The following EPB41L1 variants were observed in gnomAD, a reference collection of about 807,000 sequenced individuals.
EPB41L1 encodes band 4.1-like protein 1.
A neutral mutation model predicts 97.8 loss-of-function variants in EPB41L1; 29 were observed. That is an observed-to-expected ratio of 0.30 (90% CI 0.22 to 0.40). EPB41L1 has a LOEUF of 0.40. EPB41L1 is among the 10% of genes least tolerant of loss of function. The probability of loss-of-function intolerance (pLI) is 1.00; values close to 1 mark genes in which losing one functional copy is unlikely to be tolerated. For synonymous variants in EPB41L1, 383 were observed against 459.2 expected (o/e 0.83, Z 2.12); for missense variants, 812 against 1,162.3 (o/e 0.70, Z 4.38).
chr20:36,185,346 G>T lies in EPB41L1; in HGVS notation c.785+11G>T. 1 of 1,609,218 alleles carries T rather than the reference G, an allele frequency of 6.2e-7. No individual in the cohort carries two copies. On this transcript the variant is annotated intron_variant, in intron 7 of 21. Coordinates refer to ENST00000338074, the MANE Select transcript of EPB41L1 (RefSeq NM_012156.2). Reference sequence around the variant, plus strand: ...GCATAAGACATATAGGTAAGAGGGTGCCAGCCAGGGCCTTCTGTGGCTCCT... The same window carrying T: ...GCATAAGACATATAGGTAAGAGGGTTCCAGCCAGGGCCTTCTGTGGCTCCT...
At chr20:36,191,988 G>C (rs1429572530) in intron 11 of EPB41L1, among the ~76,000 whole-genome samples, 2 of 152,054 alleles carry the variant, frequency 1.3e-5, no homozygotes, top group Admixed American at 1.3e-4. Context: ...CACTTTGGGA[G>C]GCCAAGGCGG....
chr20:36,158,998 G>A (rs147492145), intron 1 of EPB41L1, among the ~76,000 whole-genome samples: 1 of 152,300 alleles, frequency 6.6e-6, no homozygotes, highest in East Asian at 1.9e-4. Context: ...GAGGGTGGAC[G>A]TGATCTTACA....
chr20:36,229,109 C>G (rs2064359453), intron 21 of EPB41L1, among the ~76,000 whole-genome samples: 1 of 152,156 alleles, frequency 6.6e-6, no homozygotes, highest in South Asian at 2.1e-4. Context: ...TTTCTCACCT[C>G]AAGAGATCCT....
At chr20:36,113,815 G>A (rs1179719549) in intron 2 of EPB41L1, 1 of 152,634 alleles carries the variant, frequency 6.6e-6, no homozygotes, top group Admixed American at 6.5e-5. Context: ...TGCGCATAGG[G>A]AAGGTGGGGC....
At chr20:36,172,735 G>C (rs1198477512) in intron 1 of EPB41L1, among the ~76,000 whole-genome samples, 1 of 152,152 alleles carries the variant, frequency 6.6e-6, no homozygotes, top group Admixed American at 6.5e-5. Flanking sequence ...TGAGTAGCTG[G>C]GATTACAGAA....
rs972223360 is a variant in EPB41L1, at chr20:36,216,501, A to G, written c.2268+2061A>G. Among the ~76,000 whole-genome samples, 15 of 152,194 alleles carry G rather than the reference A, an allele frequency of 9.9e-5. 1 individual carries two copies. Among genetic ancestry groups the G allele is most frequent in the Non-Finnish European group, 1.5e-5 (1 of 68,034 alleles). The stretch of plus-strand genomic sequence containing the variant: ...CTGCAGACAATGGGGAATCACTTAA[A>G]TTTTTTACATTAGGGACATGATGTC... On this transcript the variant is annotated intron_variant, in intron 17 of 21. Transcript: ENST00000338074.
In EPB41L1 at chr20:36,190,762, G is replaced by A; in HGVS notation, c.1265G>A (p.Ser422Asn). The A allele has an allele frequency of 6.2e-7, 1 of 1,614,140 alleles. No individual in the cohort carries two copies. The stretch of plus-strand genomic sequence containing the variant: ...GCACCCTTCTTTGAGCGTTCTTCCA[G>A]CAAACGGTACACCATGTCCCGCAGC... ...RPAPFFERSSSKRYTMSRSLD... is the reference protein window; with the variant it reads ...RPAPFFERSSNKRYTMSRSLD... Residue 422 changes from serine (S) to asparagine (N), a missense_variant, in exon 11 of 22, where the codon AGC (serine) becomes AAC (asparagine). Around this residue, in one of 3 missense-constraint regions of EPB41L1, gnomAD observed 498 missense variants for 622.7 expected, o/e 0.80. Coordinates refer to ENST00000338074, the MANE Select transcript of EPB41L1 (RefSeq NM_012156.2). The surrounding 1 kb of genome is among the most constrained non-coding windows in gnomAD (Gnocchi z 5.8).
In EPB41L1 at chr20:36,222,384, A is replaced by G. The variant is rs779936447; in HGVS notation, c.2627A>G (p.Lys876Arg). Residue 876 changes from lysine (K) to arginine (R), a missense_variant, in exon 21 of 22, where the codon AAG becomes AGG. Coordinates refer to ENST00000338074, the MANE Select transcript of EPB41L1 (RefSeq NM_012156.2). ...ETDPSPEERD[K>R]KPQES ...GACCCATCCCCAGAGGAGAGGGACA[A>G]GAAGCCACAGGTAAGGCTCCTGAGG... 36 of 1,613,664 alleles carry G rather than the reference A, an allele frequency of 2.2e-5. 1 individual carries two copies. The Middle Eastern group carries it at 1.3e-3, about 60-fold the overall frequency.
chr20:36,215,664 C>T (rs1000147018), intron 17 of EPB41L1, among the ~76,000 whole-genome samples: 15 of 152,146 alleles, frequency 9.9e-5, no homozygotes, highest in Admixed American at 6.5e-4. Flanking sequence ...AATTTAAATC[C>T]GTTCATATGG....
chr20:36,186,401 C>T (rs974970222), intron 7 of EPB41L1, among the ~76,000 whole-genome samples: 4 of 152,008 alleles, frequency 2.6e-5, no homozygotes, highest in African/African-American at 9.7e-5. Flanking sequence ...ATTAGGAGGC[C>T]TTGGTTCTGT....
intron 13 of EPB41L1, 38 bp from the exon 14 acceptor site, chr20:36,197,821 G>T: frequency 6.2e-7 from 1 of 1,613,884 alleles, no homozygotes; most frequent in African/African-American, 1.3e-5. Flanking sequence ...GCTTGGAGCT[G>T]TTCCCCTAAC....
chr20:36,192,423 C>T (rs1353329886), intron 11 of EPB41L1, among the ~76,000 whole-genome samples: 2 of 148,046 alleles, frequency 1.4e-5, no homozygotes, highest in Non-Finnish European at 3.0e-5. Flanking sequence ...CCCAGCTACT[C>T]GGGAGCTCAG....
intron 1 of EPB41L1, among the ~76,000 whole-genome samples, chr20:36,172,267 C>T (rs1046273927): frequency 2.0e-5 from 3 of 152,160 alleles, no homozygotes; most frequent in South Asian, 4.2e-4. Flanking sequence ...TTAGTAGAGA[C>T]GGGGTTTCAC....
Position 36,190,144 on chromosome 20 carries a change from C to T in EPB41L1, c.1027-133C>T. On this transcript the variant is annotated intron_variant, in intron 9 of 21. Transcript: ENST00000338074. This position sits in a 1 kb window ranked among gnomAD's most constrained non-coding sequence, Gnocchi z 5.8. ...TGAGCTATGATTGCGCCACTGTACT[C>T]CACCCTGGGCAAATGATCGAGACCC... 1.3e-6 allele frequency: 1 copy of T among 745,894 alleles called. No homozygotes were observed. Among genetic ancestry groups the T allele is most frequent in the Non-Finnish European group, 2.3e-6 (1 of 429,806 alleles). 46.2% of individuals were successfully genotyped at this position (745,894 alleles called of 1,614,324 possible). A position where few individuals can be genotyped will look rare whatever the true frequency, so the allele number is the denominator to read the frequency against.
At chr20:36,175,517 A>G (rs769827625) in intron 2 of EPB41L1, 34 bp from the exon 3 acceptor site, 1 of 1,613,936 alleles carries the variant, frequency 6.2e-7, no homozygotes. Context: ...CTTAAAACTC[A>G]CTGAGCAAAC....
chr20:36,166,558 A>G (rs962847083), intron 1 of EPB41L1, among the ~76,000 whole-genome samples: 26 of 152,226 alleles, frequency 1.7e-4, no homozygotes, highest in African/African-American at 6.0e-4. Context: ...AAATCAATCA[A>G]TGATAGAAGA....
chr20:36,183,721 G>A (rs1255451097), intron 6 of EPB41L1, among the ~76,000 whole-genome samples: 1 of 152,188 alleles, frequency 6.6e-6, no homozygotes, highest in African/African-American at 2.4e-5. Context: ...TGAAAGATTG[G>A]TCAGAATATT....
rs138401915 is a variant in EPB41L1, at chr20:36,216,188, C to T, written c.2268+1748C>T. Among the ~76,000 whole-genome samples the T allele has an allele frequency of 2.6e-5, 4 of 152,296 alleles. No individual in the cohort carries two copies. The East Asian group carries it at 7.7e-4, about 29-fold the overall frequency. On this transcript the variant is annotated intron_variant, in intron 17 of 21. Transcript: ENST00000338074. ...CAGGAGGACAGCTATGGGGTGACAGCTCTGCCAGGAGGAGCCAGGAAAGGC... is the reference window on the plus strand; with the variant it reads ...CAGGAGGACAGCTATGGGGTGACAGTTCTGCCAGGAGGAGCCAGGAAAGGC...
chr20:36,221,803 C>G (rs1206199428), intron 19 of EPB41L1, 61 bp from the exon 20 acceptor site: 7 of 1,480,186 alleles, frequency 4.7e-6, no homozygotes, highest in Non-Finnish European at 6.6e-6. Context: ...GGTAGGTCCC[C>G]TCTTGAGGCT....
Sources: allele counts gnomAD v4.1 joint callset (sites outside exome capture counted in the v4.1 genomes callset), GRCh38; gene constraint gnomAD v4.1.1; regional missense constraint gnomAD v4.1.1; non-coding constraint Gnocchi (gnomAD v3.1); transcripts MANE v1.5; gene names NCBI Gene and HGNC (gene_info 2026-07-23, HGNC 2026-07-21).